G2E3: variants seen among roughly 807,000 people sequenced by gnomAD.
G2E3 encodes the protein G2/M-phase specific E3 ubiquitin protein ligase.
In G2E3, 35 loss-of-function variants were observed where a neutral mutation model predicts 92.8. The observed-to-expected ratio is 0.38, with a 90% confidence interval of 0.29 to 0.50. The LOEUF is 0.50. Among genes scored for constraint, G2E3 ranks in the 20% least tolerant of loss-of-function variants. The pLI is 0.94. For missense variants in G2E3, 554 were observed against 823.8 expected, an observed-to-expected ratio of 0.67 and a Z score of 4.01; for synonymous variants, 242 against 272.4, an observed-to-expected ratio of 0.89 and a Z score of 1.10.
Position 30,617,815 on chromosome 14 carries a change from C to T in G2E3, c.*1281C>T, listed in dbSNP as rs1035137729. 3 of 151,680 alleles carry T rather than the reference C, an allele frequency of 2.0e-5. No individual in the cohort carries two copies. The highest frequency in any genetic ancestry group is 6.6e-5 in the Admixed American group (1 of 15,222). The allele number at this position is 151,680 out of a possible 1,614,324, so 9.4% of individuals were successfully genotyped here. Reference sequence around the variant, plus strand: ...GCTAACAATGTGAAAATATATAGTCCCATAGTCATGTCCCCATATTTATAC... The same window carrying T: ...GCTAACAATGTGAAAATATATAGTCTCATAGTCATGTCCCCATATTTATAC... On this transcript the variant is annotated 3_prime_UTR_variant, in exon 15 of 15. Transcript: ENST00000206595.
At chr14:30,597,716 C>T in intron 7 of G2E3, among the ~76,000 whole-genome samples, 190 bp downstream of exon 7, 1 of 152,182 alleles carries the variant, frequency 6.6e-6, no homozygotes, top group African/African-American at 2.4e-5. Context: ...ATAAATGTCT[C>T]ATTCATTGAT....
intron 1 of G2E3, among the ~76,000 whole-genome samples, chr14:30,570,201 G>A (rs1566525705): frequency 6.6e-6 from 1 of 152,048 alleles, no homozygotes; most frequent in East Asian, 1.9e-4. Context: ...ATCTTATTGG[G>A]GATATTTTGT....
chr14:30,577,982 A>G (rs889785052), intron 1 of G2E3: 2 of 152,188 alleles, frequency 1.3e-5, no homozygotes, highest in South Asian at 4.1e-4. Context: ...TTATTGAACT[A>G]TACACTTAGA....
intron 10 of G2E3, among the ~76,000 whole-genome samples, chr14:30,602,531 AAGAC>A (rs1376956733): frequency 6.6e-6 from 1 of 152,204 alleles, no homozygotes; most frequent in Admixed American, 6.5e-5. Context: ...ATTATAGAGT[AAGAC>A]AGGAAAGTAA....
At chr14:30,566,961 C>G (rs943971797) in intron 1 of G2E3, among the ~76,000 whole-genome samples, 1 of 152,110 alleles carries the variant, frequency 6.6e-6, no homozygotes, top group Non-Finnish European at 1.5e-5. Context: ...TCCTTTTTCT[C>G]TATTAGTATG....
chr14:30,586,489 T>G (rs1030995924), intron 2 of G2E3, among the ~76,000 whole-genome samples: 1 of 152,182 alleles, frequency 6.6e-6, no homozygotes, highest in African/African-American at 2.4e-5. Context: ...CTTCATAAAT[T>G]GCCATTTTAA....
At chr14:30,577,705 T>A (rs954124213) in intron 1 of G2E3, 1 of 152,262 alleles carries the variant, frequency 6.6e-6, no homozygotes, top group Non-Finnish European at 1.5e-5. Context: ...CAATGCCTTT[T>A]ATGACATTGT....
chr14:30,608,163 A>T, intron 12 of G2E3, 94 bp downstream of exon 12: 1 of 704,406 alleles, frequency 1.4e-6, no homozygotes, highest in Non-Finnish European at 2.3e-6. Context: ...AGTATTATCT[A>T]TGAAGGAGTT....
chr14:30,598,363 G>A, intron 7 of G2E3, 120 bp from the exon 8 acceptor site: 1 of 655,932 alleles, frequency 1.5e-6, no homozygotes, highest in Non-Finnish European at 2.7e-6. Context: ...CTCCAGCCTG[G>A]GCGAAAGAGC....
At chr14:30,605,250 A>G (rs1358525061) in intron 10 of G2E3, among the ~76,000 whole-genome samples, 1 of 152,218 alleles carries the variant, frequency 6.6e-6, no homozygotes, top group African/African-American at 2.4e-5. Context: ...TGAGATAATT[A>G]TCTATCAACT....
chr14:30,604,926 C>T (rs1356661603), intron 10 of G2E3, among the ~76,000 whole-genome samples: 3 of 152,040 alleles, frequency 2.0e-5, no homozygotes, highest in South Asian at 4.1e-4. Flanking sequence ...GACGGAGTTT[C>T]GCTCTTGTTG....
intron 4 of G2E3, chr14:30,590,582 TACAAGGGAAGC>T (rs1365645920): frequency 1.4e-5 from 6 of 443,912 alleles, no homozygotes; most frequent in Non-Finnish European, 2.7e-5. Context: ...CAAGAAGGTC[TACAAGGGAAGC>T]ACATAAGAAA....
intron 10 of G2E3, among the ~76,000 whole-genome samples, chr14:30,603,103 G>A (rs561075681): frequency 3.9e-5 from 6 of 152,200 alleles, no homozygotes; most frequent in East Asian, 1.9e-4. Flanking sequence ...CTAGGCGGGC[G>A]GATCCCGAGG....
intron 1 of G2E3, among the ~76,000 whole-genome samples, chr14:30,561,684 A>G (rs1879110086): frequency 6.6e-6 from 1 of 152,234 alleles, no homozygotes; most frequent in African/African-American, 2.4e-5. Flanking sequence ...GCTTATAAAT[A>G]TATAGTGCGA....
intron 1 of G2E3, among the ~76,000 whole-genome samples, chr14:30,576,251 A>C (rs1435322524): frequency 6.6e-6 from 1 of 152,188 alleles, no homozygotes; most frequent in Non-Finnish European, 1.5e-5. Context: ...CAAAGATGAC[A>C]AAAAACAAGC....
chr14:30,570,268 A>C (rs1400217923), intron 1 of G2E3, among the ~76,000 whole-genome samples: 1 of 152,084 alleles, frequency 6.6e-6, no homozygotes, highest in Admixed American at 6.5e-5. Flanking sequence ...TGTTTTTGTC[A>C]GTTTGACTAT....
At position 30,607,982 on chromosome 14, in the gene G2E3, G is replaced by A; in HGVS notation, c.1413G>A (p.Leu471=). 3 of 1,607,040 alleles carry A rather than the reference G, an allele frequency of 1.9e-6. No individual in the cohort carries two copies. The highest frequency in any genetic ancestry group is 2.2e-5 in the South Asian group (2 of 90,068). The change falls in exon 12 of 15, where the codon TTG becomes TTA. Residue 471 remains leucine (L), a synonymous_variant. Coordinates refer to ENST00000206595, the MANE Select transcript of G2E3 (RefSeq NM_017769.5). ...GPSPGFFSKT[L]FNCLVYGPEN... ...CACCTGGTTTCTTTTCTAAAACCTT[G>A]TTTAACTGCCTTGTTTATGGACCAG... is the stretch of plus-strand genomic sequence containing the variant.
intron 10 of G2E3, among the ~76,000 whole-genome samples, chr14:30,605,085 A>G (rs1159094609): frequency 6.6e-6 from 1 of 152,162 alleles, no homozygotes; most frequent in Non-Finnish European, 1.5e-5. Flanking sequence ...CAGTAGAGAC[A>G]GGGTTTCTCC....
chr14:30,606,923 T>C (rs758348936), intron 11 of G2E3, among the ~76,000 whole-genome samples: 4 of 152,114 alleles, frequency 2.6e-5, no homozygotes, highest in Non-Finnish European at 5.9e-5. Context: ...TTGGGAAAGA[T>C]TATTTAGTGA....
Sources: gnomAD v4.1 joint callset for allele counts (sites outside exome capture counted in the v4.1 genomes callset) on GRCh38, gnomAD v4.1.1 for gene constraint, MANE v1.5 for transcripts, NCBI Gene and HGNC (gene_info 2026-07-23, HGNC 2026-07-21) for gene names.